Variants in GPR39 observed in about 807,000 individuals in gnomAD.
GPR39 encodes the protein zinc sensing receptor.
GPR39 carries 23 observed loss-of-function variants against 18.4 expected under a neutral mutation model. The observed-to-expected ratio is 1.25, with a 90% CI of 0.90 to 1.77. The LOEUF (loss-of-function observed/expected upper bound fraction) is 1.77, where lower values mean the gene tolerates loss of function less well. Ranked by LOEUF, GPR39 falls within the 40% of genes most tolerant of loss-of-function variation. The pLI is 0.00. For missense variants in GPR39, 647 were observed against 602.4 expected (o/e 1.07, Z -0.78); for synonymous variants, 280 against 257.9 (o/e 1.09, Z -0.82).
chr2:132,440,857 C>T (rs1680425175), intron 1 of GPR39, among the ~76,000 whole-genome samples: 1 of 152,206 alleles, frequency 6.6e-6, no homozygotes, highest in Non-Finnish European at 1.5e-5. Context: ...CACATGTGCC[C>T]TTGCAGGGCG....
chr2:132,505,718 A>C (rs1679124044), intron 1 of GPR39, among the ~76,000 whole-genome samples: 1 of 152,246 alleles, frequency 6.6e-6, no homozygotes, highest in Non-Finnish European at 1.5e-5. Context: ...CATGTTGCTG[A>C]AAATTACATT....
intron 1 of GPR39, among the ~76,000 whole-genome samples, chr2:132,594,706 C>T (rs1051694759): frequency 1.3e-5 from 2 of 151,858 alleles, no homozygotes; most frequent in African/African-American, 4.8e-5. Context: ...GGGAGAGAGA[C>T]ACCGAGATAC....
chr2:132,607,208 T>A (rs185546649), intron 1 of GPR39, among the ~76,000 whole-genome samples: 3 of 152,332 alleles, frequency 2.0e-5, no homozygotes, highest in Admixed American at 1.3e-4. Context: ...GTGACAGGAA[T>A]TGCAAAATTT....
chr2:132,523,521 G>A (rs978138817), intron 1 of GPR39: 2 of 152,110 alleles, frequency 1.3e-5, no homozygotes, highest in Non-Finnish European at 2.9e-5. Context: ...TCCACTGCTT[G>A]TGTGACTTTG....
intron 1 of GPR39, among the ~76,000 whole-genome samples, chr2:132,642,343 A>G (rs1178096901): frequency 6.6e-6 from 1 of 152,138 alleles, no homozygotes; most frequent in African/African-American, 2.4e-5. Context: ...ACTTGTTCAC[A>G]CTGAGCTTCT....
At chr2:132,530,664 ACT>A (rs945184080) in intron 1 of GPR39, among the ~76,000 whole-genome samples, 1 of 152,210 alleles carries the variant, frequency 6.6e-6, no homozygotes, top group African/African-American at 2.4e-5. Flanking sequence ...CTTGGCAGAA[ACT>A]CTACAAGCCA....
At chr2:132,425,306 C>G (rs1680098196) in intron 1 of GPR39, among the ~76,000 whole-genome samples, 1 of 152,190 alleles carries the variant, frequency 6.6e-6, no homozygotes, top group Non-Finnish European at 1.5e-5. Flanking sequence ...TATATTGGAA[C>G]TCCCTAAGAT....
intron 1 of GPR39, among the ~76,000 whole-genome samples, chr2:132,469,105 A>G (rs902745868): frequency 6.6e-6 from 1 of 152,132 alleles, no homozygotes; most frequent in African/African-American, 2.4e-5. Flanking sequence ...GTAGGTGGCA[A>G]TTCCTGCAAG....
intron 1 of GPR39, among the ~76,000 whole-genome samples, chr2:132,637,506 A>G: frequency 6.6e-6 from 1 of 152,258 alleles, no homozygotes; most frequent in Admixed American, 6.5e-5. Context: ...TGTGGCATTT[A>G]CATCATTTTG....
At chr2:132,517,031 C>T (rs923911609) in intron 1 of GPR39, among the ~76,000 whole-genome samples, 1 of 151,994 alleles carries the variant, frequency 6.6e-6, no homozygotes, top group Non-Finnish European at 1.5e-5. Context: ...AATTAACTAA[C>T]TGTATAATAA....
In GPR39 at chr2:132,590,559, G is replaced by T. The variant is rs189324359; in HGVS notation, c.857-54542G>T. On this transcript the variant is annotated intron_variant, in intron 1 of 1. Coordinates refer to ENST00000329321, the MANE Select transcript of GPR39 (RefSeq NM_001508.3). The stretch of plus-strand genomic sequence containing the variant: ...TTTGATTCAAAGCCAAGCAGATGGG[G>T]TTGCATTGAGACCACAAGGGTAGGC... Among the ~76,000 whole-genome samples the T allele has an allele frequency of 3.3e-5, 5 of 152,104 alleles. No individual in the cohort carries two copies. In the South Asian group the frequency reaches 1.0e-3, roughly 32 times the overall value.
At chr2:132,641,946 G>A (rs1282084769) in intron 1 of GPR39, among the ~76,000 whole-genome samples, 1 of 152,202 alleles carries the variant, frequency 6.6e-6, no homozygotes, top group East Asian at 1.9e-4. Flanking sequence ...GCAAAGATGT[G>A]TCCTAGCTAT....
At chr2:132,493,718 G>T (rs893109315) in intron 1 of GPR39, among the ~76,000 whole-genome samples, 6 of 151,676 alleles carry the variant, frequency 4.0e-5, no homozygotes, top group Middle Eastern at 3.4e-3. Context: ...TGAGTGGAAG[G>T]TGCCTGCAAC....
intron 1 of GPR39, among the ~76,000 whole-genome samples, chr2:132,610,394 G>A (rs1681218396): frequency 6.6e-6 from 1 of 152,146 alleles, no homozygotes; most frequent in African/African-American, 2.4e-5. Context: ...ATGTATGATG[G>A]CTTGAGAGAA....
chr2:132,527,389 T>A (rs1406416087), intron 1 of GPR39, among the ~76,000 whole-genome samples: 4 of 152,244 alleles, frequency 2.6e-5, no homozygotes, highest in African/African-American at 9.6e-5. Context: ...TAAATAGTGC[T>A]GCAGTAAACA....
At chr2:132,446,149 G>T (rs978413258) in intron 1 of GPR39, among the ~76,000 whole-genome samples, 13 of 152,218 alleles carry the variant, frequency 8.5e-5, no homozygotes, top group African/African-American at 2.9e-4. Context: ...TTGGCATAGA[G>T]ATCTCTAGAC....
chr2:132,464,083 G>A (rs1199748425), intron 1 of GPR39, among the ~76,000 whole-genome samples: 1 of 152,222 alleles, frequency 6.6e-6, no homozygotes, highest in African/African-American at 2.4e-5. Flanking sequence ...CACAAAGCCA[G>A]CCCAGATTCC....
At chr2:132,420,686 G>A (rs114758151) in intron 1 of GPR39, among the ~76,000 whole-genome samples, 17,422 of 152,214 alleles carry the variant, frequency 0.11, 1,008 homozygotes, top group South Asian at 0.2. Context: ...TTCGCCGCTC[G>A]TTGTTAAAAA....
chr2:132,418,180 G>C (rs1382520191), intron 1 of GPR39, among the ~76,000 whole-genome samples: 3 of 152,146 alleles, frequency 2.0e-5, no homozygotes, highest in Non-Finnish European at 4.4e-5. Flanking sequence ...TGTGACCTTT[G>C]GGAAGTCACA....
Sources: allele counts gnomAD v4.1 joint callset (sites outside exome capture counted in the v4.1 genomes callset), GRCh38; gene constraint gnomAD v4.1.1; transcripts MANE v1.5; gene names NCBI Gene and HGNC (gene_info 2026-07-23, HGNC 2026-07-21).